Variants in TAF4B observed in about 807,000 individuals in gnomAD.
TAF4B encodes transcription initiation factor TFIID subunit 4B.
A neutral mutation model predicts 86.4 loss-of-function variants in TAF4B; 38 were observed. The observed-to-expected ratio is 0.44, with a 90% confidence interval of 0.34 to 0.58. The LOEUF is 0.58. Among genes scored for constraint, TAF4B ranks in the 20% least tolerant of loss-of-function variants. TAF4B has a pLI of 0.02. For synonymous variants in TAF4B, 388 were observed against 391.2 expected (o/e 0.99, Z 0.10); for missense variants, 988 against 1,027.6 (o/e 0.96, Z 0.53).
At chr18:26,247,227 A>G (rs891929991) in intron 1 of TAF4B, among the ~76,000 whole-genome samples, 1 of 152,224 alleles carries the variant, frequency 6.6e-6, no homozygotes, top group African/African-American at 2.4e-5. Context: ...TCTGAAAAAT[A>G]TCATAAGGGT....
chr18:26,273,053 A>T (rs747231144), intron 3 of TAF4B, among the ~76,000 whole-genome samples: 9 of 152,128 alleles, frequency 5.9e-5, no homozygotes, highest in Non-Finnish European at 1.3e-4. Flanking sequence ...TATTATCCTT[A>T]TTCAATATTG....
Position 26,390,033 on chromosome 18 carries a change from G to T in TAF4B, c.*21G>T. 6.2e-7 allele frequency: 1 copy of T among 1,603,124 alleles called. No homozygotes were observed. Among genetic ancestry groups the T allele is most frequent in the Non-Finnish European group, 8.5e-7 (1 of 1,175,186 alleles). On this transcript the variant is annotated 3_prime_UTR_variant, in exon 15 of 15. Coordinates refer to ENST00000269142, the MANE Select transcript of TAF4B (RefSeq NM_005640.3). Reference sequence around the variant, plus strand: ...AGTGACCACTCCACTCTTCCATCCAGATCCTTGCTATTTACTGCCAAAGAA... The same window carrying T: ...AGTGACCACTCCACTCTTCCATCCATATCCTTGCTATTTACTGCCAAAGAA...
rs796390702 is a variant in TAF4B at position 26,378,625 on chromosome 18, T to C, written c.2422-11220T>C. Reference sequence around the variant, plus strand: ...GGTATAATTTATATACAATAGAATGTATTGGTTTTAATTGTAACCACTATC... The same window carrying C: ...GGTATAATTTATATACAATAGAATGCATTGGTTTTAATTGTAACCACTATC... On this transcript the variant is annotated intron_variant, in intron 14 of 14. Transcript: ENST00000269142. 2.0e-5 allele frequency among the ~76,000 whole-genome samples: 3 copies of C among 152,208 alleles called. No individual in the cohort carries two copies. The South Asian group carries it at 6.2e-4, about 31-fold the overall frequency.
chr18:26,253,350 C>T (rs1349651547), intron 1 of TAF4B, among the ~76,000 whole-genome samples: 1 of 152,012 alleles, frequency 6.6e-6, no homozygotes. Context: ...TGTTTTTTGT[C>T]TTTCATTCTA....
At chr18:26,316,097 C>T (rs970705370) in intron 10 of TAF4B, among the ~76,000 whole-genome samples, 3 of 151,846 alleles carry the variant, frequency 2.0e-5, no homozygotes, top group Non-Finnish European at 4.4e-5. Context: ...CTTAGCTACT[C>T]GGGAGGCTGA....
chr18:26,244,380 G>T (rs367984362), intron 1 of TAF4B, among the ~76,000 whole-genome samples: 6 of 152,232 alleles, frequency 3.9e-5, no homozygotes, highest in African/African-American at 1.4e-4. Flanking sequence ...TGAGCCAGGC[G>T]CGTGATATAA....
intron 13 of TAF4B, 129 bp downstream of exon 13, chr18:26,335,360 A>C (rs2057082611): frequency 1.3e-6 from 1 of 759,202 alleles, no homozygotes; most frequent in Non-Finnish European, 2.3e-6. Flanking sequence ...AAGGACAGGA[A>C]CTGCTAAAGG....
At chr18:26,297,537 T>C (rs1167471170) in intron 9 of TAF4B, among the ~76,000 whole-genome samples, 4 of 152,176 alleles carry the variant, frequency 2.6e-5, no homozygotes, top group African/African-American at 9.7e-5. Flanking sequence ...TCTGTTTTAG[T>C]TGGGTATGAC....
At chr18:26,362,207 A>G (rs72881849) in intron 14 of TAF4B, among the ~76,000 whole-genome samples, 6,361 of 152,260 alleles carry the variant, frequency 0.042, 182 homozygotes, top group Non-Finnish European at 0.059. Context: ...TTTAAACCCC[A>G]TACCTCAATT....
chr18:26,308,879 C>CA (rs71169847), intron 9 of TAF4B, among the ~76,000 whole-genome samples: 36,767 of 80,078 alleles, frequency 0.46, 8,824 homozygotes, highest in East Asian at 0.78. Context: ...GACTCTGTCT[C>CA]AAAAAAAAAA....
At chr18:26,232,566 C>T (rs1005427584) in intron 1 of TAF4B, among the ~76,000 whole-genome samples, 13 of 152,178 alleles carry the variant, frequency 8.5e-5, no homozygotes, top group Non-Finnish European at 1.5e-4. Flanking sequence ...GAAGCCATGT[C>T]GCCCAACTCC....
At chr18:26,272,687 T>G (rs1290963111) in intron 3 of TAF4B, among the ~76,000 whole-genome samples, 1 of 152,116 alleles carries the variant, frequency 6.6e-6, no homozygotes, top group Non-Finnish European at 1.5e-5. Context: ...AATTCCAGAT[T>G]ACACTTTCTT....
At chr18:26,228,529 T>G (rs2055613624) in intron 1 of TAF4B, among the ~76,000 whole-genome samples, 1 of 152,194 alleles carries the variant, frequency 6.6e-6, no homozygotes, top group Non-Finnish European at 1.5e-5. Context: ...GCATATATGT[T>G]TATAAAGTAG....
chr18:26,288,724 CTCT>C (rs1479772154), intron 7 of TAF4B, among the ~76,000 whole-genome samples: 3 of 152,128 alleles, frequency 2.0e-5, no homozygotes, highest in African/African-American at 7.2e-5. Flanking sequence ...GGGTATGGTG[CTCT>C]TAGAAAGAAC....
intron 5 of TAF4B, among the ~76,000 whole-genome samples, chr18:26,279,523 G>A (rs1195525548): frequency 7.7e-6 from 1 of 130,448 alleles, no homozygotes; most frequent in African/African-American, 2.8e-5. Flanking sequence ...AAAAGAGCCT[G>A]AATAGCCAAA....
chr18:26,377,151 C>T (rs896681773), intron 14 of TAF4B, among the ~76,000 whole-genome samples: 2 of 151,954 alleles, frequency 1.3e-5, no homozygotes, highest in Non-Finnish European at 2.9e-5. Context: ...TTCATGATGT[C>T]TTTAGCTTGT....
chr18:26,337,424 C>CTTTTTTTTTTTTTTTTT (rs551888808), intron 13 of TAF4B, among the ~76,000 whole-genome samples: 2 of 126,144 alleles, frequency 1.6e-5, no homozygotes, highest in Non-Finnish European at 1.6e-5. Context: ...TTCTTTCTTT[C>CTTTTTTTTTTTTTTTTT]TTTTTTTTTT....
chr18:26,316,178 C>A (rs1175508666), intron 10 of TAF4B, among the ~76,000 whole-genome samples: 1 of 152,044 alleles, frequency 6.6e-6, no homozygotes, highest in African/African-American at 2.4e-5. Context: ...TACTAATGAG[C>A]TTCAAATATA....
intron 1 of TAF4B, among the ~76,000 whole-genome samples, chr18:26,244,055 T>C (rs1318489501): frequency 6.6e-6 from 1 of 152,230 alleles, no homozygotes; most frequent in African/African-American, 2.4e-5. Context: ...GGAGGCAGTC[T>C]ATCCAATCTC....
Sources: allele counts gnomAD v4.1 joint callset (sites outside exome capture counted in the v4.1 genomes callset), GRCh38; gene constraint gnomAD v4.1.1; transcripts MANE v1.5; gene names NCBI Gene and HGNC (gene_info 2026-07-23, HGNC 2026-07-21).